Variants in BANK1 observed in about 807,000 individuals in gnomAD.
BANK1 encodes the protein B-cell scaffold protein with ankyrin repeats.
Under a neutral mutation model 94.5 loss-of-function variants are expected in BANK1, and 95 were observed. The observed-to-expected ratio is 1.00, with a 90% CI of 0.85 to 1.19. The LOEUF (loss-of-function observed/expected upper bound fraction) is 1.19. BANK1 is among the 50% of genes most tolerant of loss of function. The pLI, the probability that BANK1 is intolerant of heterozygous loss-of-function variation, is 0.00. For synonymous variants in BANK1, 334 were observed against 308.4 expected (o/e 1.08, Z -0.87); for missense variants, 987 against 932.2 (o/e 1.06, Z -0.77).
At chr4:101,851,525 G>C (rs1215435952) in intron 2 of BANK1, among the ~76,000 whole-genome samples, 1 of 152,208 alleles carries the variant, frequency 6.6e-6, no homozygotes, top group Non-Finnish European at 1.5e-5. Flanking sequence ...GAGTGAATTT[G>C]GGTGGGAGAT....
In BANK1 at chr4:101,790,928, C is replaced by A. The variant is rs1293986827; in HGVS notation, c.48C>A (p.Ala16=). ...PGKGLGSPDP[A]PCGPAPPGNT... ...AGGGGCTTGGGAGCCCGGACCCCGC[C>A]CCCTGCGGCCCAGCGCCCCCAGGTG... is the stretch of plus-strand genomic sequence containing the variant. The change falls in exon 1 of 17, where the codon GCC becomes GCA. Residue 16 remains alanine (A), a synonymous_variant. Coordinates refer to ENST00000322953, the MANE Select transcript of BANK1 (RefSeq NM_017935.5). 6.5e-7 allele frequency: 1 copy of A among 1,530,328 alleles called. No individual in the cohort carries two copies. Among genetic ancestry groups the A allele is most frequent in the Admixed American group, 2.0e-5 (1 of 49,838 alleles). 94.8% of individuals were successfully genotyped at this position (1,530,328 alleles called of 1,614,324 possible).
chr4:101,957,314 T>C (rs1178761600), intron 7 of BANK1, among the ~76,000 whole-genome samples: 1 of 152,188 alleles, frequency 6.6e-6, no homozygotes, highest in Non-Finnish European at 1.5e-5. Context: ...TACTTAGCTG[T>C]CTTACCTATC....
chr4:101,888,000 T>C (rs1728917157), intron 5 of BANK1, among the ~76,000 whole-genome samples: 1 of 152,256 alleles, frequency 6.6e-6, no homozygotes, highest in Admixed American at 6.5e-5. Flanking sequence ...CAGTAAGATT[T>C]TTTTAAAGAT....
At chr4:102,000,315 T>A in intron 7 of BANK1, among the ~76,000 whole-genome samples, 1 of 113,404 alleles carries the variant, frequency 8.8e-6, no homozygotes, top group South Asian at 3.3e-4. Flanking sequence ...AGAGCGAAAC[T>A]CTGTCTCAAA....
intron 6 of BANK1, among the ~76,000 whole-genome samples, chr4:101,909,390 C>T (rs977229880): frequency 1.3e-5 from 2 of 151,944 alleles, no homozygotes; most frequent in South Asian, 2.1e-4. Context: ...CGGGGCCTGT[C>T]GTGGGGTGGG....
chr4:102,021,560 A>G lies in BANK1; in HGVS notation c.1253A>G (p.Glu418Gly). Residue 418 changes from glutamate (E) to glycine (G), a missense_variant, in exon 8 of 17, where the codon GAG becomes GGG. Coordinates refer to ENST00000322953, the MANE Select transcript of BANK1 (RefSeq NM_017935.5). ...AATGAGCAAGAAAATGATTATGAAG[A>G]GGATATTGCCTCATTTTCCACATAT... The part of the protein sequence containing the change: ...INNEQENDYE[E>G]DIASFSTYIP... The G allele has an allele frequency of 6.8e-7, 1 of 1,463,042 alleles. No homozygotes were observed. Among genetic ancestry groups the G allele is most frequent in the Non-Finnish European group, 9.2e-7 (1 of 1,086,164 alleles). The allele number at this position is 1,463,042 out of a possible 1,614,324, so 90.6% of individuals were successfully genotyped here.
intron 7 of BANK1, among the ~76,000 whole-genome samples, chr4:101,986,260 G>A (rs530171057): frequency 6.6e-6 from 1 of 152,186 alleles, no homozygotes; most frequent in Admixed American, 6.6e-5. Flanking sequence ...TAGAGCTTAA[G>A]TATTAGACAA....
At chr4:101,967,012 C>A (rs1309921661) in intron 7 of BANK1, among the ~76,000 whole-genome samples, 1 of 152,072 alleles carries the variant, frequency 6.6e-6, no homozygotes, top group Non-Finnish European at 1.5e-5. Flanking sequence ...AACCAGAAAG[C>A]ATTCAAGATA....
chr4:101,988,488 G>A (rs1000998903), intron 7 of BANK1, among the ~76,000 whole-genome samples: 3 of 152,028 alleles, frequency 2.0e-5, no homozygotes, highest in Admixed American at 6.5e-5. Context: ...TCTTTTATTT[G>A]TAGACTGCTG....
intron 7 of BANK1, among the ~76,000 whole-genome samples, chr4:101,980,397 A>G (rs1237624267): frequency 2.0e-5 from 3 of 151,424 alleles, no homozygotes; most frequent in Non-Finnish European, 4.4e-5. Context: ...TTTCTGTGTC[A>G]TTATTTTTAC....
rs549359715 is a variant in BANK1, at chr4:102,010,049, G to A, written c.1207-11465G>A. Among the ~76,000 whole-genome samples the A allele has an allele frequency of 4.7e-3, 713 of 152,190 alleles. 4 individuals are homozygous for A. The highest frequency in any genetic ancestry group is 6.9e-3 in the Non-Finnish European group (466 of 67,996). ...TGGGAGGCTAAGGTGGGCAGATCAC[G>A]AAGTCAGGAGATCGAGACCATCCTG... On this transcript the variant is annotated intron_variant, in intron 7 of 16. Coordinates refer to ENST00000322953, the MANE Select transcript of BANK1 (RefSeq NM_017935.5).
At chr4:101,936,622 T>A (rs1458888372) in intron 7 of BANK1, among the ~76,000 whole-genome samples, 4 of 150,500 alleles carry the variant, frequency 2.7e-5, no homozygotes, top group Admixed American at 6.6e-5. Flanking sequence ...GGAAAAAAAA[T>A]TAATTATCCA....
At position 101,947,309 on chromosome 4, in the gene BANK1, A is replaced by ATATATATATATATATGTATG. The variant is rs1176507515; in HGVS notation, c.1206+29123_1206+29124insATATATATATATGTATGTAT. Among the ~76,000 whole-genome samples the ATATATATATATATATGTATG allele has an allele frequency of 5.3e-4, 36 of 67,882 alleles. 1 individual carries two copies. The highest frequency in any genetic ancestry group is 8.9e-4 in the African/African-American group (20 of 22,352). 44.5% of individuals were successfully genotyped at this position (67,882 alleles called of 152,430 possible). A position where few individuals can be genotyped will look rare whatever the true frequency, so the allele number is the denominator to read the frequency against. On this transcript the variant is annotated intron_variant, in intron 7 of 16. Transcript: ENST00000322953. ...AATATATATATATATATATATATAT[A>ATATATATATATATATGTATG]TATGTATATGTATTATGTATTATAT...
In BANK1 at chr4:101,880,811, A is replaced by G. The variant is rs79447158; in HGVS notation, c.903+10167A>G. Among the ~76,000 whole-genome samples, 300 of 152,278 alleles carry G rather than the reference A, an allele frequency of 2.0e-3. 2 individuals are homozygous for G. The East Asian group carries it at 0.04, about 20-fold the overall frequency. On this transcript the variant is annotated intron_variant, in intron 5 of 16. Transcript: ENST00000322953. ...CATTTTCGACAAAGGTGTCAAGAACACACAGTGGGGAAAAGACACTCTGTT... is the reference window on the plus strand; with the variant it reads ...CATTTTCGACAAAGGTGTCAAGAACGCACAGTGGGGAAAAGACACTCTGTT...
At chr4:101,818,419 T>G (rs1426576931) in intron 1 of BANK1, among the ~76,000 whole-genome samples, 1 of 152,212 alleles carries the variant, frequency 6.6e-6, no homozygotes, top group Non-Finnish European at 1.5e-5. Flanking sequence ...ACCCTTTGGC[T>G]TTTGTACTGG....
chr4:102,004,176 C>A (rs897210801), intron 7 of BANK1, among the ~76,000 whole-genome samples: 1 of 152,192 alleles, frequency 6.6e-6, no homozygotes, highest in Non-Finnish European at 1.5e-5. Context: ...TTATATACTG[C>A]TATATCCTTA....
intron 4 of BANK1, among the ~76,000 whole-genome samples, chr4:101,867,187 A>T (rs1412577427): frequency 1.3e-5 from 2 of 150,926 alleles, no homozygotes; most frequent in African/African-American, 4.9e-5. Context: ...AAAAAAAAAA[A>T]AAAAAAAAAG....
At position 101,996,006 on chromosome 4, in the gene BANK1, C is replaced by T. The variant is rs138833619; in HGVS notation, c.1207-25508C>T. 4.6e-3 allele frequency among the ~76,000 whole-genome samples: 705 copies of T among 152,270 alleles called. 12 individuals are homozygous for T. The East Asian group carries it at 0.056, about 12-fold the overall frequency. On this transcript the variant is annotated intron_variant, in intron 7 of 16. Transcript: ENST00000322953. ...TTGCCATTGCTTTTGGTGTTTTAGTCACGAAGTCTTTGCCCATACCTATGT... is the reference window on the plus strand; with the variant it reads ...TTGCCATTGCTTTTGGTGTTTTAGTTACGAAGTCTTTGCCCATACCTATGT...
chr4:101,976,683 A>G (rs1037935032), intron 7 of BANK1, among the ~76,000 whole-genome samples: 1 of 152,136 alleles, frequency 6.6e-6, no homozygotes, highest in Non-Finnish European at 1.5e-5. Flanking sequence ...TATGCTTCCT[A>G]TGAATATCAT....
Sources: gnomAD v4.1 joint callset for allele counts (sites outside exome capture counted in the v4.1 genomes callset) on GRCh38, gnomAD v4.1.1 for gene constraint, MANE v1.5 for transcripts, NCBI Gene and HGNC (gene_info 2026-07-23, HGNC 2026-07-21) for gene names.